Variants in KCNN3 observed in about 807,000 individuals in gnomAD.
The protein encoded by KCNN3 is potassium calcium-activated channel subfamily N member 3.
KCNN3 carries 16 observed loss-of-function variants against 62.9 expected under a neutral mutation model. That is an observed-to-expected ratio of 0.25 (90% CI 0.17 to 0.39). The LOEUF (loss-of-function observed/expected upper bound fraction) is 0.39. Ranked by LOEUF, KCNN3 falls within the 10% of genes least tolerant of loss-of-function variation. KCNN3 has a pLI of 1.00. For missense variants in KCNN3, 599 were observed against 949.4 expected, an observed-to-expected ratio of 0.63 and a Z score of 4.85; for synonymous variants, 370 against 389.2, an observed-to-expected ratio of 0.95 and a Z score of 0.58.
At chr1:154,767,564 G>C (rs1392649364) in intron 3 of KCNN3, among the ~76,000 whole-genome samples, 2 of 152,242 alleles carry the variant, frequency 1.3e-5, no homozygotes, top group African/African-American at 2.4e-5. Flanking sequence ...CGCTAGGAAG[G>C]CTGGCTCTCC....
chr1:154,869,278 G>A lies in KCNN3; in HGVS notation c.687C>T (p.Ala229=), dbSNP rs771073279. The A allele has an allele frequency of 5.5e-5, 88 of 1,613,886 alleles. No individual in the cohort carries two copies. Among genetic ancestry groups the A allele is most frequent in the Non-Finnish European group, 7.3e-5 (86 of 1,179,976 alleles). The stretch of plus-strand genomic sequence containing the variant: ...TAGGGTGATGGAGCAGGGTCTGGTG[G>A]GCATGGTTGTCCTCCCGGGAGGAGA... ...IVISSREDNH[A]HQTLLHHPNA... is the part of the protein sequence containing the mutation. Residue 229 remains alanine, a synonymous_variant, in exon 1 of 8, where the codon GCC becomes GCT. Transcript: ENST00000271915. The surrounding 1 kb of genome is among the most constrained non-coding windows in gnomAD (Gnocchi z 6.1).
chr1:154,825,364 ATTTTT>A (rs56768657), intron 1 of KCNN3, among the ~76,000 whole-genome samples: 2 of 118,296 alleles, frequency 1.7e-5, no homozygotes, highest in African/African-American at 3.3e-5. Flanking sequence ...GATGAGAATC[ATTTTT>A]TTTTTTTTTT....
At chr1:154,813,681 G>A (rs559845960) in intron 2 of KCNN3, among the ~76,000 whole-genome samples, 5 of 152,168 alleles carry the variant, frequency 3.3e-5, no homozygotes, top group African/African-American at 7.2e-5. Context: ...TAACATGCCC[G>A]GAGCAGGGCT....
At chr1:154,820,194 T>A (rs1353486126) in intron 2 of KCNN3, among the ~76,000 whole-genome samples, 1 of 151,970 alleles carries the variant, frequency 6.6e-6, no homozygotes, top group Non-Finnish European at 1.5e-5. Context: ...CGGAACTGAG[T>A]CAAGCTGCAG....
chr1:154,848,799 T>C (rs757519592), intron 1 of KCNN3, among the ~76,000 whole-genome samples: 24 of 152,210 alleles, frequency 1.6e-4, no homozygotes, highest in Non-Finnish European at 3.1e-4. Context: ...AACATTAATA[T>C]CCGCGGCAGG....
At chr1:154,782,229 C>T (rs1190533461) in intron 2 of KCNN3, among the ~76,000 whole-genome samples, 1 of 152,254 alleles carries the variant, frequency 6.6e-6, no homozygotes, top group Admixed American at 6.5e-5. Flanking sequence ...CCCACTCCCA[C>T]CAGGGCCATG....
intron 7 of KCNN3, 140 bp from the exon 8 acceptor site, chr1:154,708,412 G>C (rs1473193514): frequency 2.2e-6 from 2 of 891,596 alleles, no homozygotes; most frequent in South Asian, 2.8e-5. Context: ...AAGGATACAG[G>C]CTTCTTTCCT....
chr1:154,719,190 G>GC (rs1557940588), intron 5 of KCNN3, among the ~76,000 whole-genome samples: 1 of 152,118 alleles, frequency 6.6e-6, no homozygotes, highest in Non-Finnish European at 1.5e-5. Context: ...CATTAGCAGA[G>GC]CCCCCCAGAG....
At chr1:154,729,334 G>A (rs192756544) in intron 4 of KCNN3, among the ~76,000 whole-genome samples, 17 of 152,260 alleles carry the variant, frequency 1.1e-4, no homozygotes, top group Admixed American at 7.2e-4. Context: ...TCCATGGGGC[G>A]AGGGGAGTGG....
chr1:154,733,231 G>A, intron 3 of KCNN3, 87 bp from the exon 4 acceptor site: 1 of 1,404,128 alleles, frequency 7.1e-7, no homozygotes, highest in Non-Finnish European at 1.0e-6. Context: ...GGAAGGAAAT[G>A]AGATATTTTG....
intron 3 of KCNN3, among the ~76,000 whole-genome samples, chr1:154,765,628 CTTTT>C (rs55633526): frequency 3.1e-5 from 4 of 129,706 alleles, no homozygotes; most frequent in Non-Finnish European, 3.3e-5. Flanking sequence ...TTTCTTTTTC[CTTTT>C]TTTTTTTTTT....
chr1:154,780,082 C>T (rs1342946952), intron 2 of KCNN3, among the ~76,000 whole-genome samples: 2 of 152,190 alleles, frequency 1.3e-5, no homozygotes, highest in Admixed American at 1.3e-4. Flanking sequence ...AGGACACTAC[C>T]CAGTGCCTCC....
At chr1:154,851,702 T>G (rs1159564073) in intron 1 of KCNN3, among the ~76,000 whole-genome samples, 1 of 152,178 alleles carries the variant, frequency 6.6e-6, no homozygotes, top group Non-Finnish European at 1.5e-5. Flanking sequence ...ACCAACTCAA[T>G]GCTACCACCC....
Position 154,869,845 on chromosome 1 carries a change from C to CTGCTGCTGT in KCNN3, c.111_119dup (p.Gln39_Gln41dup), listed in dbSNP as rs1188508653. On this transcript the variant is annotated inframe_insertion, in exon 1 of 8. Coordinates refer to ENST00000271915, the MANE Select transcript of KCNN3 (RefSeq NM_002249.6). The surrounding 1 kb of genome is among the most constrained non-coding windows in gnomAD (Gnocchi z 6.1). ...CTGGTGGCGCTGGCGGTGGTGGCTG[C>CTGCTGCTGT]TGCTGCTGTTGCTGCTGCTGCTGCT... 1 of 1,577,422 alleles carries CTGCTGCTGT rather than the reference C, an allele frequency of 6.3e-7. No individual in the cohort carries two copies. The highest frequency in any genetic ancestry group is 2.3e-5 in the East Asian group (1 of 42,938).
Position 154,726,018 on chromosome 1 carries a change from G to C in KCNN3, c.1599C>G (p.Gly533=). The change falls in exon 5 of 8, where the codon GGC becomes GGG. Residue 533 remains glycine, a synonymous_variant. Transcript: ENST00000271915. ...VCLLTGIMGA[G]CTALVVAVVA... Reference sequence around the variant, plus strand: ...CCACGGCCACCACAAGGGCAGTGCAGCCTGCACCCTGCGGGGGGACATCAA... The same window carrying C: ...CCACGGCCACCACAAGGGCAGTGCACCCTGCACCCTGCGGGGGGACATCAA... 6.2e-7 allele frequency: 1 copy of C among 1,613,610 alleles called. No individual in the cohort carries two copies. Among genetic ancestry groups the C allele is most frequent in the Non-Finnish European group, 8.5e-7 (1 of 1,179,618 alleles).
chr1:154,868,060 T>A (rs1192446255), intron 1 of KCNN3: 1 of 985,248 alleles, frequency 1.0e-6, no homozygotes, highest in African/African-American at 1.8e-5. Context: ...TGCCTGCTGT[T>A]CTCCATCCGG....
intron 2 of KCNN3, among the ~76,000 whole-genome samples, chr1:154,781,690 C>T (rs1199529909): frequency 6.6e-6 from 1 of 152,178 alleles, no homozygotes; most frequent in African/African-American, 2.4e-5. Context: ...TCAAGAGGTG[C>T]TCGATGCACA....
At position 154,869,471 on chromosome 1, in the gene KCNN3, C is replaced by CGCCGGTGCACCAGGGGGCTGGCCT; in HGVS notation, c.470_493dup (p.Gln157_Arg164dup). ...GATCTCCGTGAAGGGGTTGCTGTCCCGCCGGTGCACCAGGGGGCTGGCCTG... is the reference window on the plus strand; with the variant it reads ...GATCTCCGTGAAGGGGTTGCTGTCCCGCCGGTGCACCAGGGGGCTGGCCTGCCGGTGCACCAGGGGGCTGGCCTG... On this transcript the variant is annotated inframe_insertion, in exon 1 of 8. Coordinates refer to ENST00000271915, the MANE Select transcript of KCNN3 (RefSeq NM_002249.6). The surrounding 1 kb of genome is among the most constrained non-coding windows in gnomAD (Gnocchi z 6.1). 10 of 1,614,124 alleles carry CGCCGGTGCACCAGGGGGCTGGCCT rather than the reference C, an allele frequency of 6.2e-6. No homozygotes were observed. The highest frequency in any genetic ancestry group is 7.6e-6 in the Non-Finnish European group (9 of 1,180,032).
At chr1:154,714,198 G>T (rs376843900) in intron 6 of KCNN3, among the ~76,000 whole-genome samples, 8 of 15,032 alleles carry the variant, frequency 5.3e-4, no homozygotes, top group African/African-American at 1.0e-3. Flanking sequence ...TGTGTGGTGT[G>T]TGTGTCGTAT....
Sources: allele counts gnomAD v4.1 joint callset (sites outside exome capture counted in the v4.1 genomes callset), GRCh38; gene constraint gnomAD v4.1.1; non-coding constraint Gnocchi (gnomAD v3.1); transcripts MANE v1.5; gene names NCBI Gene and HGNC (gene_info 2026-07-23, HGNC 2026-07-21).